The following TADA3 variants were observed in gnomAD, a reference collection of about 807,000 sequenced individuals.
TADA3 encodes the protein transcriptional adaptor 3, also known as transcriptional adapter 3.
TADA3 carries 25 observed loss-of-function variants against 43.2 expected under a neutral mutation model. That is an observed-to-expected ratio of 0.58 (90% confidence interval 0.42 to 0.81). TADA3 has a LOEUF of 0.81. Among genes scored for constraint, TADA3 ranks in the 30% least tolerant of loss-of-function variants. TADA3 has a pLI of 0.00. For missense variants in TADA3, 441 were observed against 567.8 expected, an observed-to-expected ratio of 0.78 and a Z score of 2.27; for synonymous variants, 235 against 225.5, an observed-to-expected ratio of 1.04 and a Z score of -0.38.
chr3:9,786,033 G>A, intron 6 of TADA3, among the ~76,000 whole-genome samples: 1 of 152,030 alleles, frequency 6.6e-6, no homozygotes, highest in East Asian at 1.9e-4. Context: ...CCGCCTCCTG[G>A]GTTCATGCCA....
chr3:9,787,911 A>G, intron 4 of TADA3: 1 of 368,446 alleles, frequency 2.7e-6, no homozygotes, highest in Non-Finnish European at 5.3e-6. Context: ...GGGAGAGAAG[A>G]GCTTGCCAGA....
upstream of TADA3, chr3:9,792,859 A>T (rs2078776209): frequency 2.2e-6 from 3 of 1,367,556 alleles, no homozygotes; most frequent in Non-Finnish European, 1.9e-6. Context: ...AGAAGGCCGA[A>T]GGCACAAAGG....
rs771689112 is a variant in TADA3, at chr3:9,787,351, G to C, written c.565-11C>G. The C allele has an allele frequency of 1.9e-6, 3 of 1,602,540 alleles. No homozygotes were observed. Among genetic ancestry groups the C allele is most frequent in the South Asian group, 1.1e-5 (1 of 89,620 alleles). ...CCCCAGGGGTGGGATCTGTGGAAAA[G>C]ATGGCACCCAACCCTGAGTGGGTAA... On this transcript the variant is annotated splice_polypyrimidine_tract_variant and intron_variant, in intron 4 of 8. Coordinates refer to ENST00000301964, the MANE Select transcript of TADA3 (RefSeq NM_006354.5).
intron 7 of TADA3, among the ~76,000 whole-genome samples, chr3:9,784,873 A>G (rs929383366): frequency 6.6e-6 from 1 of 151,990 alleles, no homozygotes; most frequent in Admixed American, 6.6e-5. Flanking sequence ...TCAAAAAAAA[A>G]AAAAGAAAAA....
At position 9,789,066 on chromosome 3, in the gene TADA3, G is replaced by A. The variant is rs529329314; in HGVS notation, c.564+443C>T. On this transcript the variant is annotated intron_variant, in intron 4 of 8. Coordinates refer to ENST00000301964, the MANE Select transcript of TADA3 (RefSeq NM_006354.5). ...GCCCAGGCTGGTCTCAAATTCCTGA[G>A]CTCAAGCAATCTGCCCGCCCCGGCC... Among the ~76,000 whole-genome samples, 10 of 152,080 alleles carry A rather than the reference G, an allele frequency of 6.6e-5. No individual in the cohort carries two copies. The South Asian group carries it at 2.1e-3, about 32-fold the overall frequency.
chr3:9,789,529 C>T lies in TADA3; in HGVS notation c.544G>A (p.Asp182Asn). The T allele has an allele frequency of 6.2e-7, 1 of 1,614,168 alleles. No individual in the cohort carries two copies. The highest frequency in any genetic ancestry group is 8.5e-7 in the Non-Finnish European group (1 of 1,180,010). ...TCTACCTTGTAATGCTCAGCCTCAT[C>T]TTCTGGGGGCTTCAGTAACTCCTCA... ...TLEELLKPPEDEAEHYKIPPL... is the reference protein window; with the variant it reads ...TLEELLKPPENEAEHYKIPPL... Residue 182 changes from aspartate to asparagine, a missense_variant, in exon 4 of 9, where the codon GAT (aspartate) becomes AAT (asparagine). By Grantham distance (23) the Asp-to-Asn change is conservative (BLOSUM62 1). Transcript: ENST00000301964.
At position 9,791,340 on chromosome 3, in the gene TADA3, G is replaced by T. The variant is rs1575311142; in HGVS notation, c.127C>A (p.Leu43Met). 1 of 1,614,224 alleles carries T rather than the reference G, an allele frequency of 6.2e-7. No homozygotes were observed. Among genetic ancestry groups the T allele is most frequent in the South Asian group, 1.1e-5 (1 of 91,090 alleles). Residue 43 changes from leucine to methionine, a missense_variant, in exon 2 of 9, where the codon CTG (leucine) becomes ATG (methionine). Transcript: ENST00000301964. ...SEDDGIGIEE[L>M]DTLQLELETL... ...TCCAGCTCCAGCTGCAGGGTGTCCA[G>T]CTCCTCGATGCCGATGCCATCATCC...
rs2078761936 is a variant in TADA3 at position 9,792,439 on chromosome 3, G to A, written c.-251C>T. The A allele has an allele frequency of 8.1e-6, 9 of 1,115,618 alleles. No homozygotes were observed. The highest frequency in any genetic ancestry group is 9.9e-6 in the Non-Finnish European group (9 of 908,524). 69.1% of individuals were successfully genotyped at this position (1,115,618 alleles called of 1,614,324 possible). On this transcript the variant is annotated 5_prime_UTR_variant, in exon 1 of 9. Coordinates refer to ENST00000301964, the MANE Select transcript of TADA3 (RefSeq NM_006354.5). Reference sequence around the variant, plus strand: ...CCCAGGGGCCGCGGGAGGGGGCGGGGAGTTCCGGTCGATGTGAGCAACCGC... The same window carrying A: ...CCCAGGGGCCGCGGGAGGGGGCGGGAAGTTCCGGTCGATGTGAGCAACCGC...
rs571164701 is a variant in TADA3 at position 9,790,054 on chromosome 3, C to T, written c.208-91G>A. On this transcript the variant is annotated intron_variant, in intron 2 of 8. Coordinates refer to ENST00000301964, the MANE Select transcript of TADA3 (RefSeq NM_006354.5). ...TGAATAAATTAGGATCTAGAATCTA[C>T]AGAGGCTCCTGGGTCTTTCCCCATC... 37 of 1,439,544 alleles carry T rather than the reference C, an allele frequency of 2.6e-5. 1 individual carries two copies. In the South Asian group the frequency reaches 4.8e-4, roughly 19 times the overall value. 89.2% of individuals were successfully genotyped at this position (1,439,544 alleles called of 1,614,324 possible).
At chr3:9,792,507 G>A (rs1455404186), upstream of TADA3, 2 of 1,218,676 alleles carry the variant, frequency 1.6e-6, no homozygotes, top group Non-Finnish European at 2.0e-6. Context: ...TTGACGCGGG[G>A]GCGGGGAGTC....
upstream of TADA3, chr3:9,792,584 G>A: frequency 8.1e-7 from 1 of 1,229,974 alleles, no homozygotes; most frequent in East Asian, 3.2e-5. Flanking sequence ...AAAGCCGCTA[G>A]AGGTGGGGTG....
At chr3:9,787,132 G>A in intron 5 of TADA3, 23 bp from the exon 6 acceptor site, 1 of 1,614,158 alleles carries the variant, frequency 6.2e-7, no homozygotes, top group Non-Finnish European at 8.5e-7. Context: ...AGGAAAGGAG[G>A]GGAGGTGGGC....
chr3:9,785,556 G>A (rs1188763816), intron 6 of TADA3, 131 bp from the exon 7 acceptor site: 2 of 636,264 alleles, frequency 3.1e-6, no homozygotes, highest in East Asian at 5.6e-5. Flanking sequence ...ACCGTGGGAA[G>A]CCTTCCCATA....
upstream of TADA3, chr3:9,792,598 G>A: frequency 8.1e-7 from 1 of 1,230,424 alleles, no homozygotes; most frequent in Admixed American, 4.2e-5. Context: ...TGGGGTGCGG[G>A]TGGTCGGCCT....
At chr3:9,786,922 G>T in intron 6 of TADA3, 84 bp downstream of exon 6, 2 of 1,290,886 alleles carry the variant, frequency 1.5e-6, no homozygotes, top group Non-Finnish European at 2.2e-6. Context: ...CCTAATAAAT[G>T]TATGATAAAT....
intron 8 of TADA3, 117 bp downstream of exon 8, chr3:9,783,911 G>A: frequency 7.0e-7 from 1 of 1,421,744 alleles, no homozygotes; most frequent in East Asian, 2.6e-5. Flanking sequence ...AGGCTCTCCA[G>A]GTGATTTAGA....
chr3:9,780,848 T>C (rs1441859556), intron 8 of TADA3, among the ~76,000 whole-genome samples: 1 of 152,206 alleles, frequency 6.6e-6, no homozygotes, highest in Non-Finnish European at 1.5e-5. Flanking sequence ...TCTAGAAGAA[T>C]AAAGTCTTGG....
intron 8 of TADA3, 79 bp from the exon 9 acceptor site, chr3:9,780,628 CCCA>C: frequency 7.0e-7 from 1 of 1,432,538 alleles, no homozygotes; most frequent in African/African-American, 1.4e-5. Context: ...ACCGAGCCTA[CCCA>C]CCAGCCCAGG....
In TADA3 at chr3:9,791,424, T is replaced by C. The variant is rs775464436; in HGVS notation, c.43A>G (p.Lys15Glu). 2 of 1,613,932 alleles carry C rather than the reference T, an allele frequency of 1.2e-6. No homozygotes were observed. The highest frequency in any genetic ancestry group is 1.7e-6 in the Non-Finnish European group (2 of 1,179,828). ...KDCPLQFHDF[K>E]SVDHLKVCPR... Reference sequence around the variant, plus strand: ...CAGACCTTCAGGTGATCCACAGACTTGAAGTCGTGGAACTGCAAGGGGCAG... The same window carrying C: ...CAGACCTTCAGGTGATCCACAGACTCGAAGTCGTGGAACTGCAAGGGGCAG... Residue 15 changes from lysine to glutamate, a missense_variant, in exon 2 of 9, where the codon AAG (lysine) becomes GAG (glutamate). By Grantham distance (56) the Lys-to-Glu change is moderately conservative (BLOSUM62 1). Coordinates refer to ENST00000301964, the MANE Select transcript of TADA3 (RefSeq NM_006354.5).
Sources: allele counts gnomAD v4.1 joint callset (sites outside exome capture counted in the v4.1 genomes callset), GRCh38; gene constraint gnomAD v4.1.1; transcripts MANE v1.5; gene names NCBI Gene and HGNC (gene_info 2026-07-23, HGNC 2026-07-21).